TMEM74: variants seen among roughly 807,000 people sequenced by gnomAD.
TMEM74 encodes the protein transmembrane protein 74.
In TMEM74, 13 loss-of-function variants were observed where a neutral mutation model predicts 18.1. That is an observed-to-expected ratio of 0.72 (90% confidence interval 0.47 to 1.14). TMEM74 has a LOEUF of 1.14. TMEM74 is among the 50% of genes most tolerant of loss of function. The probability of loss-of-function intolerance (pLI) is 0.00; values close to 1 mark genes in which losing one functional copy is unlikely to be tolerated. For synonymous variants in TMEM74, 159 were observed against 146.6 expected (o/e 1.08, Z -0.61); for missense variants, 372 against 375.9 (o/e 0.99, Z 0.09).
At chr8:108,674,101 G>C (rs945818268) in intron 1 of TMEM74, among the ~76,000 whole-genome samples, 4 of 152,142 alleles carry the variant, frequency 2.6e-5, no homozygotes, top group African/African-American at 9.7e-5. Flanking sequence ...CCAATCCTTA[G>C]AGACTATTGT....
chr8:108,692,056 C>G (rs140602106), intron 1 of TMEM74, among the ~76,000 whole-genome samples: 2 of 152,276 alleles, frequency 1.3e-5, no homozygotes, highest in Non-Finnish European at 2.9e-5. Flanking sequence ...TTCCATGTAG[C>G]TGTGAGCTGC....
chr8:108,651,042 T>C (rs1469181831), intron 2 of TMEM74, among the ~76,000 whole-genome samples: 1 of 152,122 alleles, frequency 6.6e-6, no homozygotes, highest in Non-Finnish European at 1.5e-5. Context: ...TTATTTAAAA[T>C]TGCTTGATAC....
chr8:108,761,731 T>A (rs1449693115), intron 1 of TMEM74, among the ~76,000 whole-genome samples: 3 of 152,184 alleles, frequency 2.0e-5, no homozygotes, highest in Admixed American at 1.3e-4. Context: ...TTTTCTTCTC[T>A]CTTTAGTCCT....
chr8:108,736,413 T>A (rs1362496032), intron 1 of TMEM74, among the ~76,000 whole-genome samples: 1 of 152,176 alleles, frequency 6.6e-6, no homozygotes, highest in South Asian at 2.1e-4. Flanking sequence ...GATGATCCTA[T>A]ATAAATTAGT....
intron 1 of TMEM74, among the ~76,000 whole-genome samples, chr8:108,757,635 T>C (rs554961787): frequency 6.6e-6 from 1 of 152,124 alleles, no homozygotes; most frequent in East Asian, 1.9e-4. Flanking sequence ...AACAATACAT[T>C]GCTTTTAATG....
chr8:108,644,652 C>A (rs531985375), intron 2 of TMEM74, among the ~76,000 whole-genome samples: 3 of 152,070 alleles, frequency 2.0e-5, no homozygotes, highest in Non-Finnish European at 4.4e-5. Flanking sequence ...AACAAATCAA[C>A]AAACAAAAAC....
chr8:108,708,327 A>G (rs1813438337), intron 1 of TMEM74, among the ~76,000 whole-genome samples: 1 of 151,052 alleles, frequency 6.6e-6, no homozygotes, highest in African/African-American at 2.4e-5. Context: ...TATTGTGAAT[A>G]GTGCTGCAAC....
chr8:108,609,443 TTGGATAC>T (rs1329944408), intron 2 of TMEM74, among the ~76,000 whole-genome samples: 1 of 152,164 alleles, frequency 6.6e-6, no homozygotes, highest in Non-Finnish European at 1.5e-5. Flanking sequence ...AGGTCAGGAA[TTGGATAC>T]CAGCCTGGGC....
intron 2 of TMEM74, among the ~76,000 whole-genome samples, chr8:108,619,387 T>C (rs577078506): frequency 1.2e-4 from 19 of 152,340 alleles, no homozygotes; most frequent in East Asian, 1.9e-4. Flanking sequence ...GAATTCCACA[T>C]GCAAATGCAG....
intron 1 of TMEM74, among the ~76,000 whole-genome samples, chr8:108,748,821 A>T (rs1813877292): frequency 6.6e-6 from 1 of 152,016 alleles, no homozygotes; most frequent in Non-Finnish European, 1.5e-5. Flanking sequence ...GTGGCTAGCC[A>T]GTTCTCCCAG....
chr8:108,629,814 T>A (rs530173582), intron 2 of TMEM74, among the ~76,000 whole-genome samples: 97 of 152,160 alleles, frequency 6.4e-4, no homozygotes, highest in African/African-American at 2.0e-3. Flanking sequence ...AGGCCTGCCT[T>A]ACAAGAGCTC....
intron 2 of TMEM74, among the ~76,000 whole-genome samples, chr8:108,646,795 TC>T (rs1332241111): frequency 2.0e-5 from 3 of 151,852 alleles, no homozygotes; most frequent in African/African-American, 7.3e-5. Flanking sequence ...CCTTCATAAC[TC>T]AGGTTATAAA....
chr8:108,621,752 C>T (rs1330020656), intron 2 of TMEM74, among the ~76,000 whole-genome samples: 1 of 152,086 alleles, frequency 6.6e-6, no homozygotes, highest in Non-Finnish European at 1.5e-5. Flanking sequence ...GTTGGGTGAA[C>T]TTGGTTGAGT....
At chr8:108,765,905 G>A (rs1219930112) in intron 1 of TMEM74, among the ~76,000 whole-genome samples, 5 of 140,606 alleles carry the variant, frequency 3.6e-5, no homozygotes, top group African/African-American at 1.4e-4. Context: ...TATTGGGGGA[G>A]GCTTTCTCTC....
chr8:108,608,006 A>G (rs751842783), intron 3 of TMEM74, among the ~76,000 whole-genome samples: 4 of 152,064 alleles, frequency 2.6e-5, no homozygotes, highest in Non-Finnish European at 4.4e-5. Context: ...GATGTAGGCT[A>G]TGTAGAGAAC....
exon 4 of TMEM74, chr8:108,607,676 C>G (rs1339512657): frequency 6.6e-6 from 1 of 152,184 alleles, no homozygotes; most frequent in Non-Finnish European, 1.5e-5. Flanking sequence ...AGTCGAACTT[C>G]TTAAGACACT....
intron 2 of TMEM74, among the ~76,000 whole-genome samples, chr8:108,636,005 G>T (rs1401710887): frequency 1.3e-5 from 2 of 151,964 alleles, no homozygotes; most frequent in African/African-American, 2.4e-5. Context: ...TAAAATCTAT[G>T]GAGTCCTTTC....
chr8:108,723,849 C>T (rs923635070), intron 1 of TMEM74, among the ~76,000 whole-genome samples: 1 of 152,094 alleles, frequency 6.6e-6, no homozygotes, highest in Non-Finnish European at 1.5e-5. Flanking sequence ...AATGTTTCTT[C>T]CAGGGAATTA....
rs61753521 is a variant in TMEM74 at position 108,784,434 on chromosome 8, G to A, written c.665C>T (p.Ala222Val). 3.2e-5 allele frequency: 51 copies of A among 1,614,012 alleles called. No homozygotes were observed. Among genetic ancestry groups the A allele is most frequent in the South Asian group, 6.6e-5 (6 of 91,068 alleles). The change falls in exon 2 of 2, where the codon GCG becomes GTG. Residue 222 changes from alanine to valine, a missense_variant. By Grantham distance (64) the Ala-to-Val change is moderately conservative (BLOSUM62 0). Transcript: ENST00000297459. ...REMERLEKES[A>V]RLGAHLDRCV... is the part of the protein sequence containing the mutation. ...GCGGTCCAGGTGAGCCCCCAGCCTCGCACTCTCCTTCTCCAGGCGCTCCAT... is the reference window on the plus strand; with the variant it reads ...GCGGTCCAGGTGAGCCCCCAGCCTCACACTCTCCTTCTCCAGGCGCTCCAT...
Sources: gnomAD v4.1 joint callset for allele counts (sites outside exome capture counted in the v4.1 genomes callset) on GRCh38, gnomAD v4.1.1 for gene constraint, MANE v1.5 for transcripts, NCBI Gene and HGNC (gene_info 2026-07-23, HGNC 2026-07-21) for gene names.